Variants in SYNJ1 observed in about 807,000 individuals in gnomAD.
The protein encoded by SYNJ1 is synaptojanin 1.
Under a neutral mutation model 168.2 loss-of-function variants are expected in SYNJ1, and 78 were observed. The observed-to-expected ratio is 0.46, with a 90% CI of 0.39 to 0.56. The LOEUF is 0.56. SYNJ1 is among the 20% of genes least tolerant of loss of function. The probability of loss-of-function intolerance (pLI) is 0.00; values close to 1 mark genes in which losing one functional copy is unlikely to be tolerated. For synonymous variants in SYNJ1, 539 were observed against 548.6 expected (o/e 0.98, Z 0.24); for missense variants, 1,303 against 1,597.6 (o/e 0.82, Z 3.14).
chr21:32,635,808 A>C (rs2039541223), intron 31 of SYNJ1, among the ~76,000 whole-genome samples: 1 of 152,170 alleles, frequency 6.6e-6, no homozygotes, highest in South Asian at 2.1e-4. Context: ...GTTGGAAGGT[A>C]CAAGAAACTT....
At chr21:32,666,813 C>T (rs962177213) in intron 15 of SYNJ1, among the ~76,000 whole-genome samples, 1 of 152,146 alleles carries the variant, frequency 6.6e-6, no homozygotes, top group Non-Finnish European at 1.5e-5. Flanking sequence ...TGGCTACTCA[C>T]TGGGTGAGTA....
intron 32 of SYNJ1, among the ~76,000 whole-genome samples, chr21:32,633,478 A>G (rs1256081162): frequency 2.0e-5 from 3 of 152,218 alleles, no homozygotes; most frequent in African/African-American, 4.8e-5. Context: ...AAACTAGGGT[A>G]GATGACTTGG....
chr21:32,648,641 T>C (rs1021576102), intron 23 of SYNJ1, among the ~76,000 whole-genome samples: 2 of 152,238 alleles, frequency 1.3e-5, no homozygotes, highest in Non-Finnish European at 2.9e-5. Flanking sequence ...ACTCTGTGTT[T>C]CCACATACTC....
intron 6 of SYNJ1, among the ~76,000 whole-genome samples, chr21:32,691,434 T>C (rs1427548281): frequency 6.6e-6 from 1 of 152,226 alleles, no homozygotes; most frequent in African/African-American, 2.4e-5. Context: ...CATAAGCCAA[T>C]TAAACTTCTT....
chr21:32,685,980 A>G (rs533740909), intron 8 of SYNJ1, 63 bp from the exon 9 acceptor site: 1 of 1,516,022 alleles, frequency 6.6e-7, no homozygotes, highest in South Asian at 1.3e-5. Flanking sequence ...CCATCTAAAT[A>G]TTCATCACAT....
chr21:32,664,197 C>T lies in SYNJ1; in HGVS notation c.2304+716G>A, dbSNP rs116507499. On this transcript the variant is annotated intron_variant, in intron 18 of 32. Coordinates refer to ENST00000674351, the MANE Select transcript of SYNJ1 (RefSeq NM_203446.3). ...ACCTTAGCTCACCAAAATGCTTCAG[C>T]GCAAGTGTACCATATGAATCACTAT... Among the ~76,000 whole-genome samples, 1,240 of 152,276 alleles carry T rather than the reference C, an allele frequency of 8.1e-3. 11 individuals carry two copies. Among genetic ancestry groups the T allele is most frequent in the African/African-American group, 9.0e-3 (373 of 41,560 alleles).
At position 32,673,398 on chromosome 21, in the gene SYNJ1, C is replaced by T. The variant is rs753260954; in HGVS notation, c.1668G>A (p.Gln556=). 6.2e-7 allele frequency: 1 copy of T among 1,613,838 alleles called. No individual in the cohort carries two copies. The highest frequency in any genetic ancestry group is 8.5e-7 in the Non-Finnish European group (1 of 1,179,886). Residue 556 remains glutamine (Q), a synonymous_variant, in exon 14 of 33, where the codon CAG becomes CAA. Transcript: ENST00000674351. ...CATCAAGAAGCCAGTCAGTGAGTGT[C>T]TGATTCTTAAAAGCTATGCTGCGAA... ...KQFRSIAFKN[Q]TLTDWLLDAP...
intron 13 of SYNJ1, 114 bp downstream of exon 13, chr21:32,676,218 T>C: frequency 1.3e-6 from 1 of 769,674 alleles, no homozygotes; most frequent in Non-Finnish European, 2.0e-6. Context: ...TGTTAGGATC[T>C]GATGGCAAAA....
chr21:32,686,564 C>G (rs113589920), intron 8 of SYNJ1, among the ~76,000 whole-genome samples: 2 of 152,064 alleles, frequency 1.3e-5, no homozygotes, highest in Admixed American at 1.3e-4. Context: ...GAAGGTATAG[C>G]GTTGCATGTA....
intron 2 of SYNJ1, among the ~76,000 whole-genome samples, chr21:32,722,991 G>A (rs1283875423): frequency 6.6e-6 from 1 of 152,202 alleles, no homozygotes; most frequent in East Asian, 1.9e-4. Context: ...AATACACTTT[G>A]CTCAGAAATG....
intron 26 of SYNJ1, 69 bp downstream of exon 26, chr21:32,644,899 A>C: frequency 6.6e-7 from 1 of 1,508,856 alleles, no homozygotes; most frequent in South Asian, 1.2e-5. Flanking sequence ...AAACAAATCT[A>C]AAATGTCTTT....
At chr21:32,683,799 G>A (rs1478718351) in intron 10 of SYNJ1, among the ~76,000 whole-genome samples, 1 of 151,958 alleles carries the variant, frequency 6.6e-6, no homozygotes, top group African/African-American at 2.4e-5. Flanking sequence ...ATTTTAAAAG[G>A]GAGAATAAGG....
chr21:32,667,041 C>T (rs1319735629), intron 15 of SYNJ1, among the ~76,000 whole-genome samples: 1 of 149,058 alleles, frequency 6.7e-6, no homozygotes, highest in Non-Finnish European at 1.5e-5. Context: ...ATACCTAATA[C>T]AATGTAATTA....
intron 12 of SYNJ1, among the ~76,000 whole-genome samples, chr21:32,677,895 T>G (rs2041473617): frequency 6.6e-6 from 1 of 152,184 alleles, no homozygotes; most frequent in Admixed American, 6.5e-5. Context: ...AAAAAATTTC[T>G]TTTTCAGAGT....
chr21:32,631,624 T>TA lies in SYNJ1; in HGVS notation c.*180dup. 6.2e-7 allele frequency: 1 copy of TA among 1,614,240 alleles called. No individual in the cohort carries two copies. Among genetic ancestry groups the TA allele is most frequent in the Non-Finnish European group, 8.5e-7 (1 of 1,180,048 alleles). On this transcript the variant is annotated 3_prime_UTR_variant, in exon 33 of 33. Coordinates refer to ENST00000674351, the MANE Select transcript of SYNJ1 (RefSeq NM_203446.3). ...ATGCAACTTACAGAACTCAAAACAT[T>TA]ACTTTGCGTTGCAGAAGGCAACTGA... is the stretch of plus-strand genomic sequence containing the variant.
Position 32,685,195 on chromosome 21 carries a change from A to AG in SYNJ1, c.1118+552_1118+553insC, listed in dbSNP as rs1435518021. 4.6e-5 allele frequency among the ~76,000 whole-genome samples: 7 copies of AG among 151,280 alleles called. No individual in the cohort carries two copies. The East Asian group carries it at 1.4e-3, about 30-fold the overall frequency. ...AGACTCCGTCTCAAAAAAAAAAAAA[A>AG]AAAAGACTTAAGTACACTGCCTGCT... On this transcript the variant is annotated intron_variant, in intron 9 of 32. Transcript: ENST00000674351.
intron 4 of SYNJ1, among the ~76,000 whole-genome samples, chr21:32,697,708 G>A (rs2042260077): frequency 6.6e-6 from 1 of 152,220 alleles, no homozygotes; most frequent in Non-Finnish European, 1.5e-5. Flanking sequence ...GGCTGAGGCA[G>A]GAGAATTGCT....
At chr21:32,639,645 G>C in intron 30 of SYNJ1, 26 bp downstream of exon 30, 1 of 1,590,436 alleles carries the variant, frequency 6.3e-7, no homozygotes, top group Non-Finnish European at 8.6e-7. Context: ...TGATCCTCCT[G>C]CCTCAGCCTC....
In SYNJ1 at chr21:32,657,862, C is replaced by G; in HGVS notation, c.2315G>C (p.Gly772Ala). 6.2e-7 allele frequency: 1 copy of G among 1,607,924 alleles called. No homozygotes were observed. The highest frequency in any genetic ancestry group is 1.1e-5 in the South Asian group (1 of 89,700). ...AAAGGTTACCTTTCCTTCTAAAAAT[C>G]CTCTAAAAACCTAAAATAAACATAT... is the stretch of plus-strand genomic sequence containing the variant. ...NQKNAGQVFR[G>A]FLEGKVTFAP... The change falls in exon 19 of 33, where the codon GGA becomes GCA. Residue 772 changes from glycine to alanine, a missense_variant. Coordinates refer to ENST00000674351, the MANE Select transcript of SYNJ1 (RefSeq NM_203446.3).
Sources: gnomAD v4.1 joint callset for allele counts (sites outside exome capture counted in the v4.1 genomes callset) on GRCh38, gnomAD v4.1.1 for gene constraint, MANE v1.5 for transcripts, NCBI Gene and HGNC (gene_info 2026-07-23, HGNC 2026-07-21) for gene names.